Variants in CTXND1 observed in about 807,000 individuals in gnomAD.
CTXND1 encodes the protein cortexin domain containing 1.
intron 1 of CTXND1, among the ~76,000 whole-genome samples, chr15:80,214,256 T>C (rs1164328287): frequency 6.6e-6 from 1 of 152,136 alleles, no homozygotes; most frequent in Admixed American, 6.5e-5. Flanking sequence ...AATTCAGATA[T>C]GTGTTTGAAC....
chr15:80,204,211 T>C (rs6495479), intron 1 of CTXND1, among the ~76,000 whole-genome samples: 16,190 of 89,112 alleles, frequency 0.18, 1,827 homozygotes, highest in East Asian at 0.33. Context: ...CACAAACACA[T>C]ACACACATGC....
At chr15:80,228,285 A>G (rs75387806) in intron 1 of CTXND1, among the ~76,000 whole-genome samples, 2,812 of 152,350 alleles carry the variant, frequency 0.018, 65 homozygotes, top group African/African-American at 0.052. Context: ...TGTCAGCGTC[A>G]ACACATTGAC....
At chr15:80,237,115 C>G (rs1893508309) in intron 1 of CTXND1, among the ~76,000 whole-genome samples, 1 of 152,008 alleles carries the variant, frequency 6.6e-6, no homozygotes, top group African/African-American at 2.4e-5. Flanking sequence ...GATGGCAGAT[C>G]ACGAGATCAG....
rs895458332 is a variant in CTXND1 at position 80,209,691 on chromosome 15, G to A, written c.-217-5951C>T. On this transcript the variant is annotated intron_variant, in intron 1 of 2. Coordinates refer to ENST00000560778, the MANE Select transcript of CTXND1 (RefSeq NM_001352888.2). ...AACATAGACCTGGAAACAAGCATCCGAATCAGGATTTTAGGAAAAAACTAG... is the reference window on the plus strand; with the variant it reads ...AACATAGACCTGGAAACAAGCATCCAAATCAGGATTTTAGGAAAAAACTAG... Among the ~76,000 whole-genome samples, 9 of 152,280 alleles carry A rather than the reference G, an allele frequency of 5.9e-5. No homozygotes were observed. The South Asian group carries it at 1.0e-3, about 18-fold the overall frequency.
At chr15:80,214,868 C>T (rs959817196) in intron 1 of CTXND1, among the ~76,000 whole-genome samples, 1 of 152,142 alleles carries the variant, frequency 6.6e-6, no homozygotes, top group Admixed American at 6.5e-5. Flanking sequence ...CCTGGGCAAA[C>T]TTCTGGCAAG....
intron 1 of CTXND1, among the ~76,000 whole-genome samples, chr15:80,206,543 GT>G (rs1021970805): frequency 2.6e-5 from 4 of 151,896 alleles, no homozygotes; most frequent in African/African-American, 9.7e-5. Context: ...GTTTATTACT[GT>G]TTTTTTCTTT....
chr15:80,228,008 A>G (rs541645922), intron 1 of CTXND1, among the ~76,000 whole-genome samples: 6 of 152,360 alleles, frequency 3.9e-5, no homozygotes, highest in African/African-American at 7.2e-5. Context: ...TGCTTTATCA[A>G]TGAAGTGTAT....
chr15:80,206,703 G>A (rs1008683570), intron 1 of CTXND1, among the ~76,000 whole-genome samples: 13 of 152,136 alleles, frequency 8.5e-5, no homozygotes, highest in African/African-American at 3.1e-4. Flanking sequence ...ATTCCCAGCT[G>A]TAAGATATTA....
chr15:80,196,022 A>G lies in CTXND1; in HGVS notation c.*5748T>C, dbSNP rs1227221412. ...GATGGTTAACCCCAATATCCAAGGGAAAGTGGGGTTTCTGCTACACAATAG... is the reference window on the plus strand; with the variant it reads ...GATGGTTAACCCCAATATCCAAGGGGAAGTGGGGTTTCTGCTACACAATAG... On this transcript the variant is annotated 3_prime_UTR_variant, in exon 3 of 3. Transcript: ENST00000560778. 4.6e-5 allele frequency: 7 copies of G among 152,126 alleles called. No homozygotes were observed. The highest frequency in any genetic ancestry group is 1.0e-4 in the Non-Finnish European group (7 of 68,036). 9.4% of individuals were successfully genotyped at this position (152,126 alleles called of 1,614,324 possible). A position where few individuals can be genotyped will look rare whatever the true frequency, so the allele number is the denominator to read the frequency against.
rs1314801155 is a variant in CTXND1, at chr15:80,248,622, A to C, written c.-218+3385T>G. Among the ~76,000 whole-genome samples the C allele has an allele frequency of 2.6e-5, 4 of 152,192 alleles. No homozygotes were observed. In the East Asian group the frequency reaches 5.8e-4, roughly 22 times the overall value. On this transcript the variant is annotated intron_variant, in intron 1 of 2. Coordinates refer to ENST00000560778, the MANE Select transcript of CTXND1 (RefSeq NM_001352888.2). ...TAGCAATGTCTGCTCTAGGCAAGAG[A>C]GGGAGGTGCGACAAATGTATGCCAT...
chr15:80,240,540 G>A (rs1458491010), intron 1 of CTXND1, among the ~76,000 whole-genome samples: 4 of 152,160 alleles, frequency 2.6e-5, no homozygotes, highest in African/African-American at 9.7e-5. Flanking sequence ...ATAAAAAGCT[G>A]TTAGCAATGG....
intron 1 of CTXND1, among the ~76,000 whole-genome samples, chr15:80,204,190 A>G (rs1893121469): frequency 2.0e-5 from 1 of 49,806 alleles, no homozygotes; most frequent in Non-Finnish European, 3.8e-5. Flanking sequence ...ATATATATAT[A>G]TATATATATA....
At chr15:80,218,764 T>C (rs1893281137) in intron 1 of CTXND1, among the ~76,000 whole-genome samples, 1 of 152,090 alleles carries the variant, frequency 6.6e-6, no homozygotes, top group African/African-American at 2.4e-5. Context: ...GGAAAGATAT[T>C]ACAGATGTAA....
intron 1 of CTXND1, among the ~76,000 whole-genome samples, chr15:80,210,042 C>T (rs934858910): frequency 1.3e-5 from 2 of 152,234 alleles, no homozygotes; most frequent in African/African-American, 4.8e-5. Flanking sequence ...GAAACCTACT[C>T]AATGCAGATA....
At chr15:80,222,327 A>ACCC (rs34052333) in intron 1 of CTXND1, among the ~76,000 whole-genome samples, 120 of 151,902 alleles carry the variant, frequency 7.9e-4, no homozygotes, top group Admixed American at 1.2e-3. Context: ...TCATCAACAT[A>ACCC]CCCCCCCTTT....
At chr15:80,244,448 C>G (rs771110482) in intron 1 of CTXND1, among the ~76,000 whole-genome samples, 5 of 152,238 alleles carry the variant, frequency 3.3e-5, no homozygotes, top group Non-Finnish European at 7.3e-5. Flanking sequence ...AGGTGCGTCA[C>G]TGGCTGGACT....
At chr15:80,233,019 T>G (rs1211971396) in intron 1 of CTXND1, among the ~76,000 whole-genome samples, 2 of 147,522 alleles carry the variant, frequency 1.4e-5, no homozygotes, top group Non-Finnish European at 3.0e-5. Context: ...CTTGGCCCAC[T>G]GCAACCTCCG....
chr15:80,226,755 T>C (rs1385765353), intron 1 of CTXND1, among the ~76,000 whole-genome samples: 1 of 152,200 alleles, frequency 6.6e-6, no homozygotes, highest in Admixed American at 6.5e-5. Flanking sequence ...CAGCCATTGA[T>C]TGTCAATCTG....
intron 1 of CTXND1, among the ~76,000 whole-genome samples, chr15:80,235,187 G>A (rs949316814): frequency 7.9e-5 from 12 of 152,200 alleles, no homozygotes; most frequent in Non-Finnish European, 1.5e-4. Flanking sequence ...CGGAGCAGAT[G>A]GAAAACTGGC....
Sources: allele counts gnomAD v4.1 joint callset (sites outside exome capture counted in the v4.1 genomes callset), GRCh38; gene constraint gnomAD v4.1.1; transcripts MANE v1.5; gene names NCBI Gene and HGNC (gene_info 2026-07-23, HGNC 2026-07-21).